The following SYCP2 variants were observed in gnomAD, a reference collection of about 807,000 sequenced individuals.
The protein encoded by SYCP2 is synaptonemal complex lateral element protein.
A neutral mutation model predicts 211.3 loss-of-function variants in SYCP2; 55 were observed. The observed-to-expected ratio is 0.26, with a 90% CI of 0.21 to 0.33. SYCP2 has a LOEUF of 0.33. SYCP2 is among the 10% of genes least tolerant of loss of function. The pLI is 1.00. For synonymous variants in SYCP2, 570 were observed against 555.2 expected (o/e 1.03, Z -0.37); for missense variants, 1,731 against 1,752.0 (o/e 0.99, Z 0.21).
chr20:59,867,031 AAAAAG>A (rs2059352684), intron 39 of SYCP2, among the ~76,000 whole-genome samples: 1 of 143,854 alleles, frequency 7.0e-6, no homozygotes, highest in South Asian at 2.2e-4. Flanking sequence ...AAAAAAAAAA[AAAAAG>A]AAACAGAAAA....
intron 35 of SYCP2, among the ~76,000 whole-genome samples, chr20:59,872,488 AGTT>A (rs769771515): frequency 1.4e-4 from 22 of 151,968 alleles, no homozygotes; most frequent in Non-Finnish European, 2.1e-4. Context: ...GTATTGTTAT[AGTT>A]GTTGTTTTGT....
At position 59,865,656 on chromosome 20, in the gene SYCP2, G is replaced by T; in HGVS notation, c.4380-5C>A. On this transcript the variant is annotated splice_polypyrimidine_tract_variant and splice_region_variant and intron_variant, in intron 42 of 44. Coordinates refer to ENST00000357552, the MANE Select transcript of SYCP2 (RefSeq NM_014258.4). The stretch of plus-strand genomic sequence containing the variant: ...GAAGTTTTCAAAAGATGAAGCCTAA[G>T]AAGTAAAATAATGAGTTAACCTTGT... 1 of 1,584,214 alleles carries T rather than the reference G, an allele frequency of 6.3e-7. No individual in the cohort carries two copies. The highest frequency in any genetic ancestry group is 1.1e-5 in the South Asian group (1 of 87,472).
chr20:59,894,122 T>C (rs777900583), intron 20 of SYCP2, among the ~76,000 whole-genome samples: 4 of 152,060 alleles, frequency 2.6e-5, no homozygotes, highest in Non-Finnish European at 5.9e-5. Flanking sequence ...AAGATAACAC[T>C]TAATCCAGAT....
At chr20:59,873,493 T>C (rs1289253244) in intron 35 of SYCP2, among the ~76,000 whole-genome samples, 1 of 152,166 alleles carries the variant, frequency 6.6e-6, no homozygotes, top group Non-Finnish European at 1.5e-5. Flanking sequence ...CTATTCAGAA[T>C]TACACACAAT....
rs761009632 is a variant in SYCP2 at position 59,875,410 on chromosome 20, G to C, written c.3210C>G (p.Val1070=). Residue 1070 remains valine (V), a synonymous_variant, in exon 34 of 45, where the codon GTC becomes GTG. Coordinates refer to ENST00000357552, the MANE Select transcript of SYCP2 (RefSeq NM_014258.4). ...GTTCCTTTTCTGTTTCAGCACAGAA[G>C]ACTTTCTGTTGTTTCTTTGGTAGCT... ...TVKLPKKQQK[V]FCAETEKELS... is the part of the protein sequence containing the mutation. The C allele has an allele frequency of 6.2e-7, 1 of 1,612,708 alleles. No individual in the cohort carries two copies. Among genetic ancestry groups the C allele is most frequent in the South Asian group, 1.1e-5 (1 of 91,028 alleles).
Position 59,874,579 on chromosome 20 carries a change from T to C in SYCP2, c.3350-518A>G, listed in dbSNP as rs192993358. 5.9e-3 allele frequency among the ~76,000 whole-genome samples: 901 copies of C among 152,218 alleles called. 8 individuals are homozygous for C. The highest frequency in any genetic ancestry group is 0.026 in the East Asian group (134 of 5,184). ...GAGTATGCGCTTATGTGAAATTTCA[T>C]AGTGGTCCTTAGTACTGAGAACACA... On this transcript the variant is annotated intron_variant, in intron 34 of 44. Coordinates refer to ENST00000357552, the MANE Select transcript of SYCP2 (RefSeq NM_014258.4).
At chr20:59,928,775 T>C (rs886067277) in intron 2 of SYCP2, among the ~76,000 whole-genome samples, 3 of 152,066 alleles carry the variant, frequency 2.0e-5, no homozygotes, top group Non-Finnish European at 4.4e-5. Flanking sequence ...AAAAATAACA[T>C]TAGAAATCTA....
chr20:59,933,017 C>T (rs1458836257), intron 1 of SYCP2, among the ~76,000 whole-genome samples: 2 of 152,018 alleles, frequency 1.3e-5, no homozygotes, highest in Non-Finnish European at 1.5e-5. Context: ...CCCAGGGTCA[C>T]CCCCGAACCA....
chr20:59,890,329 A>G (rs955192359), intron 24 of SYCP2, among the ~76,000 whole-genome samples: 4 of 152,032 alleles, frequency 2.6e-5, no homozygotes, highest in Non-Finnish European at 5.9e-5. Context: ...GTTCTCACTC[A>G]TAAGTGGGAG....
Position 59,914,226 on chromosome 20 carries a change from T to C in SYCP2, c.660A>G (p.Val220=). Residue 220 remains valine (V), a synonymous_variant, in exon 11 of 45, where the codon GTA becomes GTG. Coordinates refer to ENST00000357552, the MANE Select transcript of SYCP2 (RefSeq NM_014258.4). Reference sequence around the variant, plus strand: ...CTGTGGTCATTCTACACAAAGCTTCTACAATGCCTACCTGTAAGTCATAAT... The same window carrying C: ...CTGTGGTCATTCTACACAAAGCTTCCACAATGCCTACCTGTAAGTCATAAT... The part of the protein sequence containing the change: ...AGDYDLQVGI[V]EALCRMTTEK... 6.3e-7 allele frequency: 1 copy of C among 1,591,682 alleles called. No homozygotes were observed.
At chr20:59,916,220 GATT>G (rs2060439053) in intron 8 of SYCP2, among the ~76,000 whole-genome samples, 2 of 152,054 alleles carry the variant, frequency 1.3e-5, no homozygotes, top group South Asian at 2.1e-4. Context: ...TACTAATACA[GATT>G]ATTTTTAGCA....
At position 59,864,233 on chromosome 20, in the gene SYCP2, T is replaced by C; in HGVS notation, c.*78A>G. 9.7e-7 allele frequency: 1 copy of C among 1,027,486 alleles called. No individual in the cohort carries two copies. The highest frequency in any genetic ancestry group is 1.6e-5 in the South Asian group (1 of 61,540). 63.6% of individuals were successfully genotyped at this position (1,027,486 alleles called of 1,614,324 possible). ...CTTCGGTGACATGTATATTTTTCTC[T>C]TTGTAGGACTATTCTTATTTCCTCA... On this transcript the variant is annotated 3_prime_UTR_variant, in exon 45 of 45. Transcript: ENST00000357552.
In SYCP2 at chr20:59,880,974, C is replaced by A; in HGVS notation, c.2764G>T (p.Asp922Tyr). 6.8e-7 allele frequency: 1 copy of A among 1,464,474 alleles called. No homozygotes were observed. Among genetic ancestry groups the A allele is most frequent in the Non-Finnish European group, 9.4e-7 (1 of 1,068,636 alleles). The allele number at this position is 1,464,474 out of a possible 1,614,324, so 90.7% of individuals were successfully genotyped here. The change falls in exon 30 of 45, where the codon GAT becomes TAT. Residue 922 changes from aspartate (D) to tyrosine (Y), a missense_variant. By Grantham distance (160) the Asp-to-Tyr change is radical. Around this residue, in one of 3 missense-constraint regions of SYCP2, gnomAD observed 1,387 missense variants for 1,351.3 expected, o/e 1.03. Transcript: ENST00000357552. ...DELKSSVKTK[D>Y]KKIITNHQKK... ...GAGATATTATAACTTACTTTTTTAT[C>A]TTTTGTTTTGACAGAAGATTTAAGT...
At chr20:59,868,743 C>CATTA in intron 37 of SYCP2, 92 bp downstream of exon 37, 1 of 1,288,094 alleles carries the variant, frequency 7.8e-7, no homozygotes, top group East Asian at 2.4e-5. Context: ...AGTTGAATAA[C>CATTA]GGTATGACTT....
intron 10 of SYCP2, among the ~76,000 whole-genome samples, chr20:59,914,723 G>A (rs1429230605): frequency 6.6e-6 from 1 of 151,730 alleles, no homozygotes; most frequent in Non-Finnish European, 1.5e-5. Context: ...TAAACACATT[G>A]TTTAAAAACA....
intron 2 of SYCP2, among the ~76,000 whole-genome samples, chr20:59,928,725 G>A (rs1486076295): frequency 1.3e-5 from 2 of 151,966 alleles, no homozygotes; most frequent in African/African-American, 2.4e-5. Context: ...AAGGTAAACT[G>A]GTCAATAAAT....
intron 29 of SYCP2, 92 bp downstream of exon 29, chr20:59,881,345 T>C (rs2059675763): frequency 1.4e-6 from 1 of 700,244 alleles, no homozygotes; most frequent in Admixed American, 3.4e-5. Context: ...TTTTATTCAC[T>C]CTTCTCATTT....
Position 59,864,399 on chromosome 20 carries a change from G to GAAAA in SYCP2, c.4516-15_4516-12dup, listed in dbSNP as rs143859419. On this transcript the variant is annotated splice_polypyrimidine_tract_variant and intron_variant, in intron 44 of 44. Transcript: ENST00000357552. Reference sequence around the variant, plus strand: ...AAGCTCCTCTTCTAGCTATAGCCAAGAAAAAAAAAATCACACTTAGATTTC... The same window carrying GAAAA: ...AAGCTCCTCTTCTAGCTATAGCCAAGAAAAAAAAAAAAAATCACACTTAGATTTC... The GAAAA allele has an allele frequency of 2.1e-6, 3 of 1,402,100 alleles. No individual in the cohort carries two copies. The highest frequency in any genetic ancestry group is 1.9e-6 in the Non-Finnish European group (2 of 1,055,140). The allele number at this position is 1,402,100 out of a possible 1,614,324, so 86.9% of individuals were successfully genotyped here. A position where few individuals can be genotyped will look rare whatever the true frequency, so the allele number is the denominator to read the frequency against.
At chr20:59,872,610 T>TC (rs1315528178) in intron 35 of SYCP2, among the ~76,000 whole-genome samples, 4 of 151,702 alleles carry the variant, frequency 2.6e-5, no homozygotes, top group East Asian at 1.9e-4. Flanking sequence ...TTCAGTGCTA[T>TC]CCTCCATTTC....
Sources: gnomAD v4.1 joint callset for allele counts (sites outside exome capture counted in the v4.1 genomes callset) on GRCh38, gnomAD v4.1.1 for gene constraint, gnomAD v4.1.1 regional missense constraint, MANE v1.5 for transcripts, NCBI Gene and HGNC (gene_info 2026-07-23, HGNC 2026-07-21) for gene names.